Variants in WDR17 observed in about 807,000 individuals in gnomAD.
WDR17 encodes WD repeat-containing protein 17.
Under a neutral mutation model 161.7 loss-of-function variants are expected in WDR17, and 143 were observed. That is an observed-to-expected ratio of 0.88 (90% CI 0.77 to 1.02). The LOEUF (loss-of-function observed/expected upper bound fraction) is 1.02, where lower values mean the gene tolerates loss of function less well. Ranked by LOEUF, WDR17 falls within the 50% of genes least tolerant of loss-of-function variation. The pLI is 0.00. For missense variants in WDR17, 1,469 were observed against 1,520.9 expected, an observed-to-expected ratio of 0.97 and a Z score of 0.57; for synonymous variants, 517 against 515.6, an observed-to-expected ratio of 1.00 and a Z score of -0.04.
chr4:176,123,375 T>C (rs1477350379), intron 4 of WDR17, among the ~76,000 whole-genome samples: 1 of 152,176 alleles, frequency 6.6e-6, no homozygotes, highest in African/African-American at 2.4e-5. Context: ...AATTCAATTC[T>C]GACACTACCT....
chr4:176,146,570 C>G (rs1284563923), intron 12 of WDR17, among the ~76,000 whole-genome samples: 1 of 152,168 alleles, frequency 6.6e-6, no homozygotes, highest in African/African-American at 2.4e-5. Flanking sequence ...CTCAGACACT[C>G]ATTTGCAGTG....
intron 4 of WDR17, among the ~76,000 whole-genome samples, chr4:176,123,178 G>C (rs368214015): frequency 1.3e-5 from 2 of 152,202 alleles, no homozygotes. Flanking sequence ...AATAAAATTT[G>C]CCTTGTTTTA....
chr4:176,122,061 T>G (rs757266715), intron 4 of WDR17, among the ~76,000 whole-genome samples: 11 of 152,130 alleles, frequency 7.2e-5, no homozygotes, highest in Non-Finnish European at 1.3e-4. Context: ...TATCTCACAG[T>G]TCTTGAGGGC....
At chr4:176,066,550 G>A (rs1160877897) in intron 1 of WDR17, among the ~76,000 whole-genome samples, 3 of 152,098 alleles carry the variant, frequency 2.0e-5, no homozygotes, top group Non-Finnish European at 2.9e-5. Context: ...TGGATATAAG[G>A]CAGGTATACT....
At chr4:176,110,046 A>G (rs537052123) in intron 1 of WDR17, among the ~76,000 whole-genome samples, 2 of 152,306 alleles carry the variant, frequency 1.3e-5, no homozygotes, top group East Asian at 3.9e-4. Flanking sequence ...GAAATTGACA[A>G]TAGTGAAAAA....
chr4:176,163,512 C>T (rs955162940), intron 22 of WDR17, among the ~76,000 whole-genome samples: 1 of 151,990 alleles, frequency 6.6e-6, no homozygotes, highest in Non-Finnish European at 1.5e-5. Flanking sequence ...CTGAAGTAGC[C>T]CAGTTGTAAT....
intron 25 of WDR17, among the ~76,000 whole-genome samples, chr4:176,174,286 G>T (rs1309292999): frequency 6.6e-6 from 1 of 151,966 alleles, no homozygotes; most frequent in African/African-American, 2.4e-5. Context: ...GAGTCTACAC[G>T]GTATTCCAGG....
chr4:176,120,171 TC>T, intron 4 of WDR17, 74 bp downstream of exon 4: 1 of 1,160,012 alleles, frequency 8.6e-7, no homozygotes, highest in Non-Finnish European at 1.2e-6. Flanking sequence ...GCTTGGTCTT[TC>T]TAGTGACCAG....
intron 28 of WDR17, among the ~76,000 whole-genome samples, chr4:176,178,774 A>G (rs1751823981): frequency 6.6e-6 from 1 of 152,220 alleles, no homozygotes; most frequent in African/African-American, 2.4e-5. Context: ...ATCAGACCCC[A>G]AACTCAACAG....
At chr4:176,102,391 G>C (rs1429165105) in intron 1 of WDR17, among the ~76,000 whole-genome samples, 1 of 152,194 alleles carries the variant, frequency 6.6e-6, no homozygotes, top group Non-Finnish European at 1.5e-5. Context: ...TCTCATTTCT[G>C]ATGGGAATAC....
intron 4 of WDR17, among the ~76,000 whole-genome samples, chr4:176,124,539 C>T (rs539644171): frequency 1.4e-4 from 21 of 152,152 alleles, no homozygotes; most frequent in Admixed American, 1.0e-3. Context: ...TAATCAAATT[C>T]ATTTAATCGG....
At chr4:176,133,996 A>G (rs1024064032) in intron 7 of WDR17, among the ~76,000 whole-genome samples, 2 of 151,876 alleles carry the variant, frequency 1.3e-5, no homozygotes, top group African/African-American at 2.4e-5. Context: ...GTGAAATAAC[A>G]TTTAAAACTG....
chr4:176,135,891 T>C (rs1423241566), intron 8 of WDR17, among the ~76,000 whole-genome samples: 2 of 151,704 alleles, frequency 1.3e-5, no homozygotes, highest in Non-Finnish European at 3.0e-5. Context: ...ATGGTTTACT[T>C]ATTTGGCTTA....
intron 22 of WDR17, among the ~76,000 whole-genome samples, chr4:176,168,058 A>G (rs1249423449): frequency 6.6e-6 from 1 of 151,856 alleles, no homozygotes; most frequent in African/African-American, 2.4e-5. Context: ...GAGGCACAAA[A>G]ATTGCTTGAA....
intron 8 of WDR17, among the ~76,000 whole-genome samples, chr4:176,136,998 T>A (rs1298846699): frequency 1.3e-5 from 2 of 151,546 alleles, no homozygotes; most frequent in Non-Finnish European, 3.0e-5. Context: ...TTTTCACAAA[T>A]TTTTTTATTT....
chr4:176,091,836 G>T (rs1736162627), intron 1 of WDR17, among the ~76,000 whole-genome samples: 1 of 151,976 alleles, frequency 6.6e-6, no homozygotes, highest in Admixed American at 6.6e-5. Flanking sequence ...AATACTATTA[G>T]CAATTACATG....
intron 22 of WDR17, chr4:176,166,093 C>A: frequency 9.1e-7 from 1 of 1,096,548 alleles, no homozygotes; most frequent in Non-Finnish European, 1.3e-6. Context: ...ATCGTATAAT[C>A]ATGGTATTCA....
At chr4:176,094,966 G>A (rs1736632942) in intron 1 of WDR17, among the ~76,000 whole-genome samples, 1 of 152,174 alleles carries the variant, frequency 6.6e-6, no homozygotes, top group Non-Finnish European at 1.5e-5. Flanking sequence ...AGGGCTGAGA[G>A]ATCTAGATTC....
chr4:176,085,334 T>C (rs569857691), intron 1 of WDR17, among the ~76,000 whole-genome samples: 6 of 152,212 alleles, frequency 3.9e-5, no homozygotes, highest in East Asian at 1.9e-4. Flanking sequence ...TTGGGGAAGA[T>C]ATAAAGAAGT....
Sources: gnomAD v4.1 joint callset for allele counts (sites outside exome capture counted in the v4.1 genomes callset) on GRCh38, gnomAD v4.1.1 for gene constraint, MANE v1.5 for transcripts, NCBI Gene and HGNC (gene_info 2026-07-23, HGNC 2026-07-21) for gene names.